Variants in NSMAF observed in about 807,000 individuals in gnomAD.
NSMAF encodes the protein protein FAN.
In NSMAF, 90 loss-of-function variants were observed where a neutral mutation model predicts 134.9. The observed-to-expected ratio is 0.67, with a 90% CI of 0.56 to 0.79. NSMAF has a LOEUF of 0.79. Among genes scored for constraint, NSMAF ranks in the 30% least tolerant of loss-of-function variants. NSMAF has a pLI of 0.00. For synonymous variants in NSMAF, 358 were observed against 389.6 expected, an observed-to-expected ratio of 0.92 and a Z score of 0.96; for missense variants, 1,010 against 1,119.0, an observed-to-expected ratio of 0.90 and a Z score of 1.39.
Position 58,599,993 on chromosome 8 carries a change from C to G in NSMAF, c.1309G>C (p.Asp437His), listed in dbSNP as rs1365315245. The change falls in exon 17 of 31, where the codon GAT becomes CAT. Residue 437 changes from aspartate (D) to histidine (H), a missense_variant. Coordinates refer to ENST00000038176, the MANE Select transcript of NSMAF (RefSeq NM_003580.4). ...ACCTCTTTAAAATCCGTTGCACCAT[C>G]CAGACAGTTTTTCCAAGTTTCTGCA... ...SIAETWKNCLDGATDFKELIP... is the reference protein window; with the variant it reads ...SIAETWKNCLHGATDFKELIP... 8 of 1,613,972 alleles carry G rather than the reference C, an allele frequency of 5.0e-6. No individual in the cohort carries two copies. The highest frequency in any genetic ancestry group is 6.8e-6 in the Non-Finnish European group (8 of 1,179,954).
rs1207796844 is a variant in NSMAF at position 58,603,172 on chromosome 8, C to T, written c.1045+38G>A. 1.9e-6 allele frequency: 3 copies of T among 1,579,296 alleles called. No homozygotes were observed. In the African/African-American group the frequency reaches 4.0e-5, roughly 21 times the overall value. On this transcript the variant is annotated intron_variant, in intron 13 of 30. Transcript: ENST00000038176. ...TAAAAACAATACAGATGACTACTCC[C>T]CACTCAACTTGGTCAGAATTCCACG...
At chr8:58,601,214 T>C (rs768642560) in intron 16 of NSMAF, 71 bp downstream of exon 16, 70 of 1,294,464 alleles carry the variant, frequency 5.4e-5, no homozygotes, top group Non-Finnish European at 7.3e-5. Context: ...ATCCAGTGCT[T>C]TGAAACAAGT....
At chr8:58,655,451 G>A (rs1807683044) in intron 1 of NSMAF, among the ~76,000 whole-genome samples, 1 of 150,828 alleles carries the variant, frequency 6.6e-6, no homozygotes, top group Non-Finnish European at 1.5e-5. Context: ...CCAGGCTGGG[G>A]TGCAGTGGTA....
intron 1 of NSMAF, among the ~76,000 whole-genome samples, chr8:58,645,972 T>C (rs113211945): frequency 0.067 from 10,231 of 152,094 alleles, 505 homozygotes; most frequent in African/African-American, 0.13. Flanking sequence ...ACCTGGGAAG[T>C]AGAGGTTGCA....
chr8:58,605,971 G>T lies in NSMAF; in HGVS notation c.824C>A (p.Pro275His). Reference protein sequence around the residue: ...CSDIYLKFYEPQDRDDLYFYI... With the variant: ...CSDIYLKFYEHQDRDDLYFYI... Reference sequence around the variant, plus strand: ...AAAATAGAGATCATCTCTATCTTGAGGTTCATAGAACTTTAGGTAGATGTC... The same window carrying T: ...AAAATAGAGATCATCTCTATCTTGATGTTCATAGAACTTTAGGTAGATGTC... The change falls in exon 12 of 31, where the codon CCT becomes CAT. Residue 275 changes from proline to histidine, a missense_variant. Pro to His is a moderately conservative substitution (Grantham distance 77). Transcript: ENST00000038176. The T allele has an allele frequency of 1.2e-6, 2 of 1,600,592 alleles. No homozygotes were observed. The highest frequency in any genetic ancestry group is 1.1e-5 in the South Asian group (1 of 87,416).
At chr8:58,621,529 A>G (rs1294047261) in intron 9 of NSMAF, among the ~76,000 whole-genome samples, 1 of 152,208 alleles carries the variant, frequency 6.6e-6, no homozygotes, top group Admixed American at 6.5e-5. Context: ...TTGAGAAATC[A>G]CCAAACTGCT....
intron 11 of NSMAF, among the ~76,000 whole-genome samples, chr8:58,606,818 C>T (rs936134359): frequency 1.3e-5 from 2 of 152,134 alleles, no homozygotes; most frequent in Non-Finnish European, 2.9e-5. Context: ...AATTTCTTCA[C>T]CTGTAAAATA....
At chr8:58,646,082 G>A (rs1156497711) in intron 1 of NSMAF, among the ~76,000 whole-genome samples, 1 of 152,092 alleles carries the variant, frequency 6.6e-6, no homozygotes, top group Non-Finnish European at 1.5e-5. Flanking sequence ...TGAACCAAAA[G>A]AAAAGTAACT....
chr8:58,600,064 T>C lies in NSMAF; in HGVS notation c.1281-43A>G, dbSNP rs1415012394. 5 of 1,440,894 alleles carry C rather than the reference T, an allele frequency of 3.5e-6. No individual in the cohort carries two copies. In the African/African-American group the frequency reaches 7.1e-5, roughly 20 times the overall value. The allele number at this position is 1,440,894 out of a possible 1,614,324, so 89.3% of individuals were successfully genotyped here. A position where few individuals can be genotyped will look rare whatever the true frequency, so the allele number is the denominator to read the frequency against. On this transcript the variant is annotated intron_variant, in intron 16 of 30. Transcript: ENST00000038176. Reference sequence around the variant, plus strand: ...ATTCACCTATTTTCAGCTAAGGAAATAGCAATAGCAGCATTTCCTATGCAC... The same window carrying C: ...ATTCACCTATTTTCAGCTAAGGAAACAGCAATAGCAGCATTTCCTATGCAC...
intron 6 of NSMAF, among the ~76,000 whole-genome samples, chr8:58,625,019 G>C (rs1054069155): frequency 2.0e-5 from 3 of 152,136 alleles, no homozygotes; most frequent in African/African-American, 7.2e-5. Context: ...CATTATCCCT[G>C]GGTGTATCTG....
chr8:58,603,141 G>T, intron 13 of NSMAF, 69 bp downstream of exon 13: 1 of 1,397,578 alleles, frequency 7.2e-7, no homozygotes. Context: ...AATTTATTCT[G>T]TCCTTTAAAA....
At position 58,610,625 on chromosome 8, in the gene NSMAF, T is replaced by C. The variant is rs183981163; in HGVS notation, c.558-892A>G. Among the ~76,000 whole-genome samples the C allele has an allele frequency of 3.3e-5, 5 of 152,008 alleles. No individual in the cohort carries two copies. The East Asian group carries it at 9.7e-4, about 29-fold the overall frequency. ...AAAAAGGAAAGAAGAGATCAACAGG[T>C]GAGTGGCAGGAGGAGGAGCAACCTA... On this transcript the variant is annotated intron_variant, in intron 9 of 30. Coordinates refer to ENST00000038176, the MANE Select transcript of NSMAF (RefSeq NM_003580.4).
intron 1 of NSMAF, among the ~76,000 whole-genome samples, chr8:58,646,048 A>T (rs1807444831): frequency 6.6e-6 from 1 of 150,556 alleles, no homozygotes; most frequent in Non-Finnish European, 1.5e-5. Context: ...TCTCAAAATC[A>T]TCATCATCAT....
Position 58,589,533 on chromosome 8 carries a change from T to C in NSMAF, c.2130A>G (p.Leu710=). 1.3e-6 allele frequency: 2 copies of C among 1,575,510 alleles called. No homozygotes were observed. The highest frequency in any genetic ancestry group is 2.8e-5 in the African/African-American group (2 of 72,030). ...TACTAACAGCATCATCATGTCCCATTAACGTGTCCTGGCGTCTTCCAAATG... is the reference window on the plus strand; with the variant it reads ...TACTAACAGCATCATCATGTCCCATCAACGTGTCCTGGCGTCTTCCAAATG... ...SIAFGRRQDT[L]MGHDDAVSKI... The change falls in exon 26 of 31, where the codon TTA becomes TTG. Residue 710 remains leucine, a synonymous_variant. Coordinates refer to ENST00000038176, the MANE Select transcript of NSMAF (RefSeq NM_003580.4).
chr8:58,629,354 T>C (rs1807006445), intron 6 of NSMAF, among the ~76,000 whole-genome samples: 1 of 152,216 alleles, frequency 6.6e-6, no homozygotes, highest in African/African-American at 2.4e-5. Flanking sequence ...AGTTACTACA[T>C]TCTTCTCCAA....
At chr8:58,635,794 T>C (rs1267641523) in intron 2 of NSMAF, among the ~76,000 whole-genome samples, 1 of 152,242 alleles carries the variant, frequency 6.6e-6, no homozygotes, top group Non-Finnish European at 1.5e-5. Context: ...TATATGTGTA[T>C]CTCCATATAG....
intron 30 of NSMAF, among the ~76,000 whole-genome samples, chr8:58,584,813 T>C (rs1036587066): frequency 3.3e-5 from 5 of 152,110 alleles, no homozygotes; most frequent in African/African-American, 1.2e-4. Flanking sequence ...ATATTTCTGG[T>C]TTTTAGTAAG....
At chr8:58,593,655 G>A (rs1041160303) in intron 23 of NSMAF, among the ~76,000 whole-genome samples, 1 of 152,146 alleles carries the variant, frequency 6.6e-6, no homozygotes, top group African/African-American at 2.4e-5. Context: ...GACTACCAGG[G>A]AGAGAACAAT....
chr8:58,643,561 T>C (rs1029541501), intron 1 of NSMAF, among the ~76,000 whole-genome samples: 27 of 151,258 alleles, frequency 1.8e-4, no homozygotes, highest in Admixed American at 1.6e-3. Context: ...GGACGGAGTT[T>C]CACTCTTGTT....
Sources: allele counts gnomAD v4.1 joint callset (sites outside exome capture counted in the v4.1 genomes callset), GRCh38; gene constraint gnomAD v4.1.1; transcripts MANE v1.5; gene names NCBI Gene and HGNC (gene_info 2026-07-23, HGNC 2026-07-21).